Variants in XKR6 observed in about 807,000 individuals in gnomAD.
XKR6 encodes XK related 6.
In XKR6, 22 loss-of-function variants were observed where a neutral mutation model predicts 56.7. The observed-to-expected ratio is 0.39, with a 90% CI of 0.28 to 0.55. The LOEUF is 0.55. Among genes scored for constraint, XKR6 ranks in the 20% least tolerant of loss-of-function variants. The pLI is 0.66. For synonymous variants in XKR6, 524 were observed against 387.8 expected (o/e 1.35, Z -4.13); for missense variants, 852 against 889.0 (o/e 0.96, Z 0.53).
At chr8:11,018,224 C>T (rs953048238) in intron 1 of XKR6, among the ~76,000 whole-genome samples, 1 of 151,722 alleles carries the variant, frequency 6.6e-6, no homozygotes, top group African/African-American at 2.4e-5. Flanking sequence ...CCAACTCCCT[C>T]CCTGCCATCA....
chr8:10,949,816 A>G (rs1161689625), intron 1 of XKR6, among the ~76,000 whole-genome samples: 1 of 152,106 alleles, frequency 6.6e-6, no homozygotes, highest in Non-Finnish European at 1.5e-5. Context: ...GGGTACGAGG[A>G]AGATTCCAGG....
chr8:11,159,849 T>C (rs992939343), intron 1 of XKR6, among the ~76,000 whole-genome samples: 2 of 152,230 alleles, frequency 1.3e-5, no homozygotes, highest in Non-Finnish European at 2.9e-5. Context: ...ACCTTATCTC[T>C]TCTGGCCTTT....
intron 1 of XKR6, among the ~76,000 whole-genome samples, chr8:11,126,538 C>CTTCA (rs1443665908): frequency 6.6e-6 from 1 of 151,954 alleles, no homozygotes; most frequent in Non-Finnish European, 1.5e-5. Context: ...CAAAACGCTC[C>CTTCA]TTCATATTAC....
intron 2 of XKR6, among the ~76,000 whole-genome samples, chr8:10,916,355 A>C (rs10093063): frequency 6.6e-6 from 1 of 152,196 alleles, no homozygotes; most frequent in African/African-American, 2.4e-5. Flanking sequence ...GCTTCACCCT[A>C]TTTTAACCAA....
intron 2 of XKR6, among the ~76,000 whole-genome samples, chr8:10,922,813 T>C (rs1800761135): frequency 6.6e-6 from 1 of 152,226 alleles, no homozygotes; most frequent in East Asian, 1.9e-4. Context: ...TGTGGGTGTG[T>C]CCAAGAAAGA....
chr8:10,981,046 T>C (rs754938159), intron 1 of XKR6, among the ~76,000 whole-genome samples: 1 of 152,132 alleles, frequency 6.6e-6, no homozygotes, highest in Admixed American at 6.5e-5. Flanking sequence ...CAGGTAGCTG[T>C]AGATGCTTTT....
At chr8:11,059,952 T>A (rs899014725) in intron 1 of XKR6, among the ~76,000 whole-genome samples, 14 of 152,288 alleles carry the variant, frequency 9.2e-5, no homozygotes, top group South Asian at 4.1e-4. Flanking sequence ...CTAAGTCCAA[T>A]AGCTCGCCCA....
chr8:11,075,278 C>T (rs1470096390), intron 1 of XKR6, among the ~76,000 whole-genome samples: 2 of 152,198 alleles, frequency 1.3e-5, no homozygotes, highest in African/African-American at 2.4e-5. Flanking sequence ...AGATGGGGCA[C>T]CGACAAAGAG....
chr8:11,152,459 G>A (rs1417671329), intron 1 of XKR6, among the ~76,000 whole-genome samples: 1 of 152,098 alleles, frequency 6.6e-6, no homozygotes, highest in East Asian at 1.9e-4. Flanking sequence ...GTAAGATGGA[G>A]GAAGAGTCTG....
intron 1 of XKR6, among the ~76,000 whole-genome samples, chr8:10,989,427 C>T (rs1323585124): frequency 6.6e-6 from 1 of 152,006 alleles, no homozygotes; most frequent in African/African-American, 2.4e-5. Context: ...CATATGAGAC[C>T]CGAGATGATT....
intron 1 of XKR6, among the ~76,000 whole-genome samples, chr8:10,969,293 C>G (rs920877155): frequency 3.3e-5 from 5 of 152,188 alleles, no homozygotes; most frequent in African/African-American, 7.2e-5. Flanking sequence ...TGCCACCCAC[C>G]GTGTTGCTTT....
At chr8:10,982,178 G>T (rs1032090411) in intron 1 of XKR6, among the ~76,000 whole-genome samples, 2 of 152,216 alleles carry the variant, frequency 1.3e-5, no homozygotes, top group East Asian at 3.8e-4. Context: ...AAGGCAAATG[G>T]TAGGTGGCAT....
rs566429991 is a variant in XKR6 at position 10,975,913 on chromosome 8, G to A, written c.765-51083C>T. The stretch of plus-strand genomic sequence containing the variant: ...AAGCGCCCACCACGCAGTGGCTCAC[G>A]CCTGTAATCCCAGCACTTTGGGAGG... On this transcript the variant is annotated intron_variant, in intron 1 of 2. Coordinates refer to ENST00000416569, the MANE Select transcript of XKR6 (RefSeq NM_173683.4). 9.8e-5 allele frequency among the ~76,000 whole-genome samples: 15 copies of A among 152,312 alleles called. 1 individual carries two copies. The South Asian group carries it at 1.5e-3, about 15-fold the overall frequency.
chr8:11,028,117 T>A (rs1050204756), intron 1 of XKR6, among the ~76,000 whole-genome samples: 1 of 152,058 alleles, frequency 6.6e-6, no homozygotes, highest in Non-Finnish European at 1.5e-5. Flanking sequence ...GCTTGGCCTG[T>A]TCATCCCTGC....
intron 1 of XKR6, among the ~76,000 whole-genome samples, chr8:11,004,567 T>C (rs959333588): frequency 6.6e-6 from 1 of 152,182 alleles, no homozygotes; most frequent in Non-Finnish European, 1.5e-5. Flanking sequence ...TTACAAAAAG[T>C]AGCAACTGCC....
At chr8:10,967,507 G>A (rs1438756502) in intron 1 of XKR6, among the ~76,000 whole-genome samples, 1 of 152,220 alleles carries the variant, frequency 6.6e-6, no homozygotes. Context: ...GGTGGACAGT[G>A]CAGGCAGCAC....
At chr8:11,174,794 A>G (rs559273560) in intron 1 of XKR6, among the ~76,000 whole-genome samples, 1 of 152,240 alleles carries the variant, frequency 6.6e-6, no homozygotes, top group African/African-American at 2.4e-5. Flanking sequence ...GCTTCTCATT[A>G]TCTCATCCAC....
At chr8:11,108,268 G>A in intron 1 of XKR6, 1 of 456,044 alleles carries the variant, frequency 2.2e-6, no homozygotes, top group South Asian at 1.6e-5. Flanking sequence ...GGAATTATCT[G>A]TGAATCTTGA....
At chr8:11,177,494 C>G (rs1237773920) in intron 1 of XKR6, among the ~76,000 whole-genome samples, 1 of 152,214 alleles carries the variant, frequency 6.6e-6, no homozygotes, top group Non-Finnish European at 1.5e-5. Context: ...TCCTAACCCC[C>G]TCCCCCAAAA....
Sources: gnomAD v4.1 joint callset for allele counts (sites outside exome capture counted in the v4.1 genomes callset) on GRCh38, gnomAD v4.1.1 for gene constraint, MANE v1.5 for transcripts, NCBI Gene and HGNC (gene_info 2026-07-23, HGNC 2026-07-21) for gene names.